USP7: variants seen among roughly 807,000 people sequenced by gnomAD.
USP7 encodes ubiquitin C-terminal hydrolase 7.
In USP7, 9 loss-of-function variants were observed where a neutral mutation model predicts 162.9. That is an observed-to-expected ratio of 0.06 (90% CI 0.03 to 0.10). The LOEUF is 0.10. Ranked by LOEUF, USP7 falls within the 10% of genes least tolerant of loss-of-function variation. The pLI is 1.00. For missense variants in USP7, 715 were observed against 1,373.7 expected (o/e 0.52, Z 7.58); for synonymous variants, 562 against 475.9 (o/e 1.18, Z -2.35).
chr16:8,896,441 C>A, intron 26 of USP7, among the ~76,000 whole-genome samples: 1 of 152,054 alleles, frequency 6.6e-6, no homozygotes, highest in East Asian at 1.9e-4. Context: ...GTTTGGGAAC[C>A]AAATGGCTCC....
chr16:8,916,579 C>A (rs1306060099), intron 7 of USP7, 23 bp from the exon 8 acceptor site: 2 of 1,455,530 alleles, frequency 1.4e-6, no homozygotes, highest in Non-Finnish European at 1.8e-6. Context: ...AAACAAACAA[C>A]TCCATTTAAA....
chr16:8,923,094 A>C, intron 3 of USP7, 121 bp downstream of exon 3: 1 of 733,238 alleles, frequency 1.4e-6, no homozygotes, highest in Admixed American at 2.8e-5. Flanking sequence ...TGGGTTTTAA[A>C]GAGAAACACG....
intron 2 of USP7, among the ~76,000 whole-genome samples, chr16:8,923,914 C>A (rs571488038): frequency 3.9e-5 from 6 of 152,282 alleles, no homozygotes; most frequent in African/African-American, 1.2e-4. Flanking sequence ...AGAGGCAAGA[C>A]AAGGGCTACA....
chr16:8,934,879 C>T (rs1018832597), intron 1 of USP7, among the ~76,000 whole-genome samples: 1 of 152,272 alleles, frequency 6.6e-6, no homozygotes, highest in Non-Finnish European at 1.5e-5. Context: ...CAGGAGATCC[C>T]GTTTTTAAAA....
rs1198255635 is a variant in USP7 at position 8,905,203 on chromosome 16, G to A, written c.1557C>T (p.Ile519=). The change falls in exon 14 of 31, where the codon ATC becomes ATT. Residue 519 remains isoleucine (I), a synonymous_variant. Coordinates refer to ENST00000344836, the MANE Select transcript of USP7 (RefSeq NM_003470.3). ...ACTACTCACTCAGTTTTGATTCCCT[G>A]ATGTAGACTAACATGTAAGCATTAG... ...HCTNAYMLVY[I]RESKLSEVLQ... is the part of the protein sequence containing the mutation. 1.2e-6 allele frequency: 2 copies of A among 1,614,128 alleles called. No homozygotes were observed. The highest frequency in any genetic ancestry group is 2.2e-5 in the South Asian group (2 of 91,088).
intron 26 of USP7, 34 bp from the exon 27 acceptor site, chr16:8,895,775 G>A (rs1596347682): frequency 7.2e-7 from 1 of 1,388,886 alleles, no homozygotes; most frequent in Non-Finnish European, 1.0e-6. Flanking sequence ...AGGGCAAAAT[G>A]AAGTATATAT....
At chr16:8,923,511 T>A in intron 2 of USP7, 98 bp from the exon 3 acceptor site, 2 of 1,303,836 alleles carry the variant, frequency 1.5e-6, no homozygotes, top group Non-Finnish European at 2.1e-6. Context: ...CATCCTGATT[T>A]AACTGCTAAA....
intron 1 of USP7, among the ~76,000 whole-genome samples, chr16:8,950,596 G>C (rs185645945): frequency 2.0e-5 from 3 of 152,156 alleles, no homozygotes; most frequent in Admixed American, 2.0e-4. Context: ...CCACAGGACT[G>C]GGCGCTGACA....
chr16:8,919,510 G>A (rs1166247908), intron 5 of USP7, among the ~76,000 whole-genome samples: 1 of 152,020 alleles, frequency 6.6e-6, no homozygotes, highest in Non-Finnish European at 1.5e-5. Flanking sequence ...CGTGGAAAAA[G>A]CTGAAACTCA....
rs1170234396 is a variant in USP7, at chr16:8,910,917, A to G, written c.1079-90T>C. The G allele has an allele frequency of 2.8e-6, 3 of 1,087,410 alleles. No homozygotes were observed. The East Asian group carries it at 7.3e-5, about 27-fold the overall frequency. The allele number at this position is 1,087,410 out of a possible 1,614,324, so 67.4% of individuals were successfully genotyped here. A position where few individuals can be genotyped will look rare whatever the true frequency, so the allele number is the denominator to read the frequency against. On this transcript the variant is annotated intron_variant, in intron 10 of 30. Coordinates refer to ENST00000344836, the MANE Select transcript of USP7 (RefSeq NM_003470.3). ...GTAAGTTATTTAAATCAGCATATTT[A>G]GGATTAGCAGAGAAGGTAAACAACA...
chr16:8,929,055 AAG>A (rs1898174978), intron 2 of USP7, among the ~76,000 whole-genome samples: 1 of 151,734 alleles, frequency 6.6e-6, no homozygotes, highest in Non-Finnish European at 1.5e-5. Flanking sequence ...TAAAAAAAAA[AAG>A]AAAAAAACAG....
At chr16:8,953,323 T>TA (rs1314150760) in intron 1 of USP7, among the ~76,000 whole-genome samples, 3 of 152,050 alleles carry the variant, frequency 2.0e-5, no homozygotes, top group Admixed American at 2.0e-4. Context: ...GTTGAGACCA[T>TA]AACCCAGCAG....
intron 28 of USP7, 51 bp from the exon 29 acceptor site, chr16:8,894,906 G>A: frequency 6.2e-7 from 1 of 1,613,928 alleles, no homozygotes. Flanking sequence ...GCACCCCCAG[G>A]CCACGTCACG....
chr16:8,963,107 C>A (rs1900087766), intron 1 of USP7, 100 bp downstream of exon 1: 1 of 1,111,190 alleles, frequency 9.0e-7, no homozygotes, highest in Non-Finnish European at 1.1e-6. Context: ...CGCCCGGGGC[C>A]TGGTTAAAGA....
chr16:8,903,238 G>A (rs776822507), intron 16 of USP7, 30 bp downstream of exon 16: 7 of 1,593,956 alleles, frequency 4.4e-6, no homozygotes. Context: ...GGGAGCCACG[G>A]TGGGGTATAT....
intron 1 of USP7, among the ~76,000 whole-genome samples, chr16:8,938,867 T>C (rs1250311241): frequency 1.3e-5 from 2 of 152,130 alleles, no homozygotes; most frequent in African/African-American, 2.4e-5. Context: ...TTAAACTATA[T>C]AGGAAGATGT....
chr16:8,912,428 C>A (rs1186822285), intron 10 of USP7, among the ~76,000 whole-genome samples: 1 of 145,770 alleles, frequency 6.9e-6, no homozygotes, highest in Non-Finnish European at 1.5e-5. Context: ...CCAGCCGGGG[C>A]GACAGAGTGA....
chr16:8,900,579 C>G lies in USP7; in HGVS notation c.2260G>C (p.Asp754His). The G allele has an allele frequency of 6.2e-7, 1 of 1,612,462 alleles. No individual in the cohort carries two copies. The highest frequency in any genetic ancestry group is 8.5e-7 in the Non-Finnish European group (1 of 1,179,762). The stretch of plus-strand genomic sequence containing the variant: ...TCCATTAGTTCATCAAGGGCTTTAT[C>G]AAGAGACACGTCATAGTCCTGAATT... ...ERIQDYDVSL[D>H]KALDELMDGD... The change falls in exon 21 of 31, where the codon GAT becomes CAT. Residue 754 changes from aspartate to histidine, a missense_variant. This residue lies in a region of USP7 where 222 missense variants were observed against 441.7 expected (regional missense o/e 0.50). Transcript: ENST00000344836.
At chr16:8,900,119 T>C in intron 21 of USP7, 1 of 375,342 alleles carries the variant, frequency 2.7e-6, no homozygotes, top group East Asian at 6.2e-5. Flanking sequence ...TCAGGAAATC[T>C]GGGCTTTCGT....
Sources: allele counts gnomAD v4.1 joint callset (sites outside exome capture counted in the v4.1 genomes callset), GRCh38; gene constraint gnomAD v4.1.1; regional missense constraint gnomAD v4.1.1; transcripts MANE v1.5; gene names NCBI Gene and HGNC (gene_info 2026-07-23, HGNC 2026-07-21).